Variants in UBXN6 observed in about 807,000 individuals in gnomAD.
UBXN6 encodes UBX domain-containing protein 6.
A neutral mutation model predicts 51.4 loss-of-function variants in UBXN6; 44 were observed. The observed-to-expected ratio is 0.86, with a 90% CI of 0.67 to 1.10. The LOEUF is 1.10. Ranked by LOEUF, UBXN6 falls within the 50% of genes least tolerant of loss-of-function variation. The pLI is 0.00. For missense variants in UBXN6, 672 were observed against 596.1 expected (o/e 1.13, Z -1.32); for synonymous variants, 316 against 263.2 (o/e 1.20, Z -1.94).
intron 1 of UBXN6, among the ~76,000 whole-genome samples, chr19:4,454,492 G>C (rs1895644308): frequency 6.6e-6 from 1 of 152,132 alleles, no homozygotes; most frequent in South Asian, 2.1e-4. Context: ...GCACGATCAT[G>C]GCTTACTGCA....
intron 1 of UBXN6, 151 bp from the exon 2 acceptor site, chr19:4,454,244 G>T: frequency 1.3e-6 from 1 of 762,126 alleles, no homozygotes; most frequent in Non-Finnish European, 2.0e-6. Context: ...GTTCCCAGGG[G>T]CCACCTGCAG....
At chr19:4,448,739 G>A in intron 4 of UBXN6, 1 of 338,294 alleles carries the variant, frequency 3.0e-6, no homozygotes, top group Non-Finnish European at 5.6e-6. Context: ...CGACCTCAGT[G>A]CTGAGATCCA....
intron 2 of UBXN6, among the ~76,000 whole-genome samples, 154 bp downstream of exon 2, chr19:4,453,763 TCCCCAGGAAGCTG>T (rs1974695152): frequency 6.7e-6 from 1 of 150,288 alleles, no homozygotes; most frequent in Non-Finnish European, 1.5e-5. Context: ...TCCCACCCCC[TCCCCAGGAAGCTG>T]CCCTTCCCCC....
intron 5 of UBXN6, 29 bp from the exon 6 acceptor site, chr19:4,447,654 C>A: frequency 6.2e-7 from 1 of 1,612,680 alleles, no homozygotes; most frequent in Non-Finnish European, 8.5e-7. Flanking sequence ...GTGAGTGGGG[C>A]ACAGCCCAGG....
chr19:4,448,004 C>T, intron 5 of UBXN6: 2 of 521,278 alleles, frequency 3.8e-6, no homozygotes, highest in Non-Finnish European at 7.0e-6. Context: ...CGTGGACCTC[C>T]AGGCCTGCCC....
chr19:4,453,644 T>A, intron 2 of UBXN6, 122 bp from the exon 3 acceptor site: 1 of 1,251,136 alleles, frequency 8.0e-7, no homozygotes, highest in Non-Finnish European at 1.1e-6. Context: ...AGCCTGCTTC[T>A]GCTGGAGGTC....
rs935895911 is a variant in UBXN6 at position 4,448,571 on chromosome 19, C to T, written c.442-156G>A. On this transcript the variant is annotated intron_variant, in intron 4 of 10. Transcript: ENST00000301281. ...CACAGAAAGGAAAAGAGAGACCCTC[C>T]AAGACCGCAGCCCTGCCCACGCCCC... 7 of 661,346 alleles carry T rather than the reference C, an allele frequency of 1.1e-5. 1 individual carries two copies. The highest frequency in any genetic ancestry group is 9.2e-5 in the South Asian group (5 of 54,584). 41.0% of individuals were successfully genotyped at this position (661,346 alleles called of 1,614,324 possible). A position where few individuals can be genotyped will look rare whatever the true frequency, so the allele number is the denominator to read the frequency against.
chr19:4,454,307 G>A (rs995322162), intron 1 of UBXN6, among the ~76,000 whole-genome samples: 1 of 152,324 alleles, frequency 6.6e-6, no homozygotes, highest in South Asian at 2.1e-4. Context: ...AGGAGATGCT[G>A]GTTCCACTCA....
At chr19:4,446,746 A>G in intron 7 of UBXN6, 27 bp from the exon 8 acceptor site, 1 of 1,610,152 alleles carries the variant, frequency 6.2e-7, no homozygotes, top group Non-Finnish European at 8.5e-7. Flanking sequence ...CATGGGTGTC[A>G]CTGTGCAATG....
intron 4 of UBXN6, 152 bp from the exon 5 acceptor site, chr19:4,448,567 C>T (rs1974590064): frequency 1.5e-6 from 1 of 668,114 alleles, no homozygotes; most frequent in Admixed American, 2.5e-5. Flanking sequence ...AAAGAGAGAC[C>T]CTCCAAGACC....
chr19:4,450,680 A>G (rs1459266787), intron 4 of UBXN6: 1 of 145,054 alleles, frequency 6.9e-6, no homozygotes, highest in Non-Finnish European at 1.5e-5. Context: ...AATGGTGTGA[A>G]CCTCGTAGGC....
In UBXN6 at chr19:4,448,404, G is replaced by T. The variant is rs772380278; in HGVS notation, c.453C>A (p.Thr151=). The part of the protein sequence containing the change: ...IKEAILLHFS[T]DPVAASIMKI... ...TCATGATGGAGGCGGCCACTGGGTCGGTGGAGAAGTGCTGGGAGGAGGGAA... is the reference window on the plus strand; with the variant it reads ...TCATGATGGAGGCGGCCACTGGGTCTGTGGAGAAGTGCTGGGAGGAGGGAA... Residue 151 remains threonine, a synonymous_variant, in exon 5 of 11, where the codon ACC becomes ACA. Transcript: ENST00000301281. 6.2e-7 allele frequency: 1 copy of T among 1,606,908 alleles called. No homozygotes were observed. Among genetic ancestry groups the T allele is most frequent in the Non-Finnish European group, 8.5e-7 (1 of 1,177,432 alleles).
intron 3 of UBXN6, 92 bp downstream of exon 3, chr19:4,453,366 G>T: frequency 1.4e-6 from 2 of 1,420,482 alleles, no homozygotes; most frequent in South Asian, 1.2e-5. Flanking sequence ...CAGCCCTTGA[G>T]CCCCAAGGGC....
rs1974543534 is a variant in UBXN6 at position 4,446,894 on chromosome 19, G to A, written c.642C>T (p.Thr214=). 1.2e-6 allele frequency: 2 copies of A among 1,613,876 alleles called. No individual in the cohort carries two copies. The highest frequency in any genetic ancestry group is 2.7e-5 in the African/African-American group (2 of 74,928). Residue 214 remains threonine, a synonymous_variant, in exon 7 of 11, where the codon ACC becomes ACT. Transcript: ENST00000301281. Reference sequence around the variant, plus strand: ...ACCCAATGGCCTCAAAAAACTCGTGGGTCCCTTCCAGGCAGTTAATGCGCT... The same window carrying A: ...ACCCAATGGCCTCAAAAAACTCGTGAGTCCCTTCCAGGCAGTTAATGCGCT... The part of the protein sequence containing the change: ...FQERINCLEG[T]HEFFEAIGFQ...
intron 9 of UBXN6, 23 bp from the exon 10 acceptor site, chr19:4,446,220 CGGGTG>C: frequency 6.3e-7 from 1 of 1,585,000 alleles, no homozygotes. Flanking sequence ...GGAGTCAGAG[CGGGTG>C]GGGCCCAGGG....
In UBXN6 at chr19:4,445,446, C is replaced by A; in HGVS notation, c.*52G>T. 1 of 1,609,548 alleles carries A rather than the reference C, an allele frequency of 6.2e-7. No homozygotes were observed. Among genetic ancestry groups the A allele is most frequent in the South Asian group, 1.1e-5 (1 of 90,790 alleles). ...GGCCCTGGGGTGGCGGGGAGAGGAACAGGGAGAGCATGAGACAGACCCACA... is the reference window on the plus strand; with the variant it reads ...GGCCCTGGGGTGGCGGGGAGAGGAAAAGGGAGAGCATGAGACAGACCCACA... On this transcript the variant is annotated 3_prime_UTR_variant, in exon 11 of 11. Coordinates refer to ENST00000301281, the MANE Select transcript of UBXN6 (RefSeq NM_025241.3).
In UBXN6 at chr19:4,454,020, G is replaced by C; in HGVS notation, c.157C>G (p.Gln53Glu). ...GCTAGGGCGGCAGCGGCTGCCATCT[G>C]TGCCTCATTGGTGGGTCCCTGGCGG... ...PPRQGPTNEAQMAAAAALARL... is the reference protein window; with the variant it reads ...PPRQGPTNEAEMAAAAALARL... The change falls in exon 2 of 11, where the codon CAG becomes GAG. Residue 53 changes from glutamine to glutamate, a missense_variant. Physicochemically the swap from Gln to Glu is conservative, Grantham distance 29. Coordinates refer to ENST00000301281, the MANE Select transcript of UBXN6 (RefSeq NM_025241.3). 6.2e-7 allele frequency: 1 copy of C among 1,604,868 alleles called. No homozygotes were observed. Among genetic ancestry groups the C allele is most frequent in the Non-Finnish European group, 8.5e-7 (1 of 1,177,460 alleles).
In UBXN6 at chr19:4,446,739, G is replaced by A; in HGVS notation, c.701-20C>T. 1.2e-6 allele frequency: 2 copies of A among 1,609,600 alleles called. No homozygotes were observed. The highest frequency in any genetic ancestry group is 1.1e-5 in the South Asian group (1 of 90,820). ...GGTCCTCTACAGCGTGGCAGGACAT[G>A]GGTGTCACTGTGCAATGGAGAGACC... On this transcript the variant is annotated intron_variant, in intron 7 of 10. Transcript: ENST00000301281.
chr19:4,452,561 A>G, intron 3 of UBXN6, 69 bp from the exon 4 acceptor site: 1 of 1,536,140 alleles, frequency 6.5e-7, no homozygotes, highest in Non-Finnish European at 8.8e-7. Flanking sequence ...CGAGCACCAC[A>G]GTCCTGAGTG....
Sources: gnomAD v4.1 joint callset for allele counts (sites outside exome capture counted in the v4.1 genomes callset) on GRCh38, gnomAD v4.1.1 for gene constraint, MANE v1.5 for transcripts, NCBI Gene and HGNC (gene_info 2026-07-23, HGNC 2026-07-21) for gene names.